The following WWC2 variants were observed in gnomAD, a reference collection of about 807,000 sequenced individuals.
WWC2 encodes WW and C2 domain containing 2.
WWC2 carries 101 observed loss-of-function variants against 138.5 expected under a neutral mutation model. The observed-to-expected ratio is 0.73, with a 90% confidence interval of 0.62 to 0.86. The LOEUF is 0.86. Ranked by LOEUF, WWC2 falls within the 40% of genes least tolerant of loss-of-function variation. WWC2 has a pLI of 0.00. For missense variants in WWC2, 1,420 were observed against 1,419.4 expected (o/e 1.00, Z -0.01); for synonymous variants, 558 against 538.4 (o/e 1.04, Z -0.50).
intron 20 of WWC2, among the ~76,000 whole-genome samples, chr4:183,288,324 A>G (rs1039996108): frequency 6.6e-6 from 1 of 152,166 alleles, no homozygotes; most frequent in African/African-American, 2.4e-5. Flanking sequence ...TTCAAACTGG[A>G]GTACTTGTCA....
At chr4:183,163,260 C>A (rs769740799) in intron 1 of WWC2, among the ~76,000 whole-genome samples, 3 of 152,192 alleles carry the variant, frequency 2.0e-5, no homozygotes, top group Non-Finnish European at 4.4e-5. Context: ...CCAGTAGCTC[C>A]TCACTCTTTC....
intron 1 of WWC2, among the ~76,000 whole-genome samples, chr4:183,109,052 A>G (rs1395939964): frequency 6.6e-6 from 1 of 152,226 alleles, no homozygotes; most frequent in Non-Finnish European, 1.5e-5. Context: ...ATAAAATTTT[A>G]AAAGACCTCT....
chr4:183,171,442 G>A (rs2111163793), intron 1 of WWC2, among the ~76,000 whole-genome samples: 1 of 152,182 alleles, frequency 6.6e-6, no homozygotes, highest in South Asian at 2.1e-4. Context: ...TTTATATTAT[G>A]TATTTTGGAG....
chr4:183,159,066 T>G (rs1733885124), intron 1 of WWC2, among the ~76,000 whole-genome samples: 1 of 152,210 alleles, frequency 6.6e-6, no homozygotes, highest in South Asian at 2.1e-4. Flanking sequence ...ATTCACCTAG[T>G]ATCTCAGCAG....
At chr4:183,182,584 T>C (rs566949759) in intron 1 of WWC2, among the ~76,000 whole-genome samples, 215 of 152,358 alleles carry the variant, frequency 1.4e-3, no homozygotes, top group Non-Finnish European at 1.5e-4. Context: ...GACCACTTTG[T>C]TTTCTTCCGT....
chr4:183,249,802 C>T (rs141119885), intron 7 of WWC2, 118 bp from the exon 8 acceptor site: 67 of 747,378 alleles, frequency 9.0e-5, no homozygotes, highest in East Asian at 2.0e-4. Context: ...TGGTGTTTCC[C>T]GATTTCAGTA....
intron 21 of WWC2, among the ~76,000 whole-genome samples, chr4:183,296,435 T>TGAAG (rs1273301122): frequency 6.6e-6 from 1 of 152,182 alleles, no homozygotes; most frequent in African/African-American, 2.4e-5. Context: ...TTTTGCCCAG[T>TGAAG]GAAGGATACA....
intron 1 of WWC2, among the ~76,000 whole-genome samples, chr4:183,187,515 T>G (rs1734842488): frequency 6.7e-6 from 1 of 150,072 alleles, no homozygotes; most frequent in Non-Finnish European, 1.5e-5. Context: ...ATTGTGTCAC[T>G]GCACTCTAGC....
intron 16 of WWC2, among the ~76,000 whole-genome samples, chr4:183,273,706 T>A (rs1332019534): frequency 1.3e-5 from 2 of 152,234 alleles, no homozygotes; most frequent in Non-Finnish European, 2.9e-5. Context: ...ATTCTGTGGA[T>A]TGTCTTCTCA....
intron 4 of WWC2, among the ~76,000 whole-genome samples, chr4:183,214,159 AC>A (rs145627819): frequency 0.019 from 2,893 of 152,224 alleles, 91 homozygotes; most frequent in African/African-American, 0.066. Flanking sequence ...AAGAACAAAG[AC>A]CCCTTTGGTT....
chr4:183,255,224 T>G (rs74624201), intron 9 of WWC2, among the ~76,000 whole-genome samples: 4,994 of 152,308 alleles, frequency 0.033, 269 homozygotes, highest in African/African-American at 0.12. Context: ...CTTCCCTTCT[T>G]GTTCTGGCTT....
intron 1 of WWC2, among the ~76,000 whole-genome samples, chr4:183,132,576 C>T (rs1230677426): frequency 1.3e-5 from 2 of 151,842 alleles, no homozygotes; most frequent in Non-Finnish European, 2.9e-5. Flanking sequence ...GCCTCAGCCT[C>T]CCGAGTAGCT....
intron 21 of WWC2, among the ~76,000 whole-genome samples, chr4:183,297,387 T>C (rs1738667455): frequency 6.6e-6 from 1 of 151,970 alleles, no homozygotes; most frequent in South Asian, 2.1e-4. Context: ...CTGTTATGAT[T>C]GTGGTAGAGC....
intron 14 of WWC2, among the ~76,000 whole-genome samples, chr4:183,267,764 A>G (rs10084788): frequency 0.97 from 148,020 of 152,320 alleles, 72,063 homozygotes; most frequent in East Asian, 1. Context: ...TCCCCAGCTA[A>G]TGTGCAGGCA....
intron 1 of WWC2, among the ~76,000 whole-genome samples, chr4:183,152,829 G>T (rs963680212): frequency 2.6e-5 from 4 of 152,030 alleles, no homozygotes; most frequent in East Asian, 1.9e-4. Flanking sequence ...GTTGCAGTGA[G>T]CCAAAATTGT....
chr4:183,129,517 A>G (rs1288477828), intron 1 of WWC2, among the ~76,000 whole-genome samples: 1 of 152,208 alleles, frequency 6.6e-6, no homozygotes, highest in Non-Finnish European at 1.5e-5. Context: ...CACAACTACA[A>G]GAAGACCTGC....
intron 4 of WWC2, among the ~76,000 whole-genome samples, chr4:183,224,096 A>G (rs1470437663): frequency 1.3e-5 from 2 of 152,178 alleles, no homozygotes; most frequent in Admixed American, 6.5e-5. Context: ...AAACTAGGTC[A>G]TTTGTAGAAT....
rs9999562 is a variant in WWC2, at chr4:183,154,028, A to C, written c.132-39571A>C. ...AAAAAAAAAAAAAAAAAAAAAAAAAACCCCAAATCTAATTCATCATTTAGT... is the reference window on the plus strand; with the variant it reads ...AAAAAAAAAAAAAAAAAAAAAAAAACCCCCAAATCTAATTCATCATTTAGT... On this transcript the variant is annotated intron_variant, in intron 1 of 22. Transcript: ENST00000403733. 5.0e-4 allele frequency among the ~76,000 whole-genome samples: 65 copies of C among 129,286 alleles called. 1 individual carries two copies. The highest frequency in any genetic ancestry group is 1.5e-3 in the African/African-American group (54 of 35,034). The allele number at this position is 129,286 out of a possible 152,430, so 84.8% of individuals were successfully genotyped here.
intron 1 of WWC2, among the ~76,000 whole-genome samples, chr4:183,186,565 C>T (rs570942839): frequency 6.0e-5 from 9 of 150,890 alleles, no homozygotes; most frequent in Non-Finnish European, 1.3e-4. Context: ...TGAATATAGA[C>T]TGAAGGAGAA....
Sources: allele counts gnomAD v4.1 joint callset (sites outside exome capture counted in the v4.1 genomes callset), GRCh38; gene constraint gnomAD v4.1.1; transcripts MANE v1.5; gene names NCBI Gene and HGNC (gene_info 2026-07-23, HGNC 2026-07-21).